The following ANXA10 variants were observed in gnomAD, a reference collection of about 807,000 sequenced individuals.
ANXA10 encodes the protein annexin 14.
Under a neutral mutation model 53.5 loss-of-function variants are expected in ANXA10, and 49 were observed. The observed-to-expected ratio is 0.92, with a 90% CI of 0.73 to 1.16. The LOEUF (loss-of-function observed/expected upper bound fraction) is 1.16. Ranked by LOEUF, ANXA10 falls within the 50% of genes most tolerant of loss-of-function variation. The pLI, the probability that ANXA10 is intolerant of heterozygous loss-of-function variation, is 0.00. For synonymous variants in ANXA10, 131 were observed against 128.9 expected, an observed-to-expected ratio of 1.02 and a Z score of -0.11; for missense variants, 393 against 394.4, an observed-to-expected ratio of 1.00 and a Z score of 0.03.
At chr4:168,151,005 C>G (rs73862559) in intron 3 of ANXA10, among the ~76,000 whole-genome samples, 2 of 152,216 alleles carry the variant, frequency 1.3e-5, no homozygotes, top group East Asian at 1.9e-4. Context: ...ATTCTAAATT[C>G]CATCCCATCA....
intron 1 of ANXA10, among the ~76,000 whole-genome samples, chr4:168,125,945 G>A (rs1731061346): frequency 2.0e-5 from 3 of 152,182 alleles, no homozygotes; most frequent in Admixed American, 2.0e-4. Flanking sequence ...AATTTAAATA[G>A]AAATGACAGT....
intron 3 of ANXA10, among the ~76,000 whole-genome samples, chr4:168,156,385 T>TATATA (rs1201757682): frequency 5.9e-4 from 11 of 18,578 alleles, no homozygotes; most frequent in East Asian, 4.1e-3. Context: ...ATATAATTAA[T>TATATA]ATATATTATA....
chr4:168,184,489 T>C, intron 10 of ANXA10, 70 bp from the exon 11 acceptor site: 1 of 1,555,680 alleles, frequency 6.4e-7, no homozygotes, highest in Non-Finnish European at 8.8e-7. Context: ...AAAAGGGGTG[T>C]GTCCACTTGG....
chr4:168,156,163 T>C (rs28835312), intron 3 of ANXA10, among the ~76,000 whole-genome samples: 2 of 7,546 alleles, frequency 2.7e-4, no homozygotes, highest in Non-Finnish European at 5.0e-4. Flanking sequence ...TATTATATAT[T>C]ATATATATTA....
intron 1 of ANXA10, among the ~76,000 whole-genome samples, chr4:168,119,127 T>C (rs1003932183): frequency 4.6e-5 from 7 of 152,206 alleles, no homozygotes. Context: ...TAAGTCTTGT[T>C]CTCTTCTTAG....
chr4:168,139,843 A>G (rs762030102), intron 3 of ANXA10, among the ~76,000 whole-genome samples: 2 of 152,164 alleles, frequency 1.3e-5, no homozygotes, highest in African/African-American at 2.4e-5. Flanking sequence ...AGTGTCCCCA[A>G]ATGAAAAGTT....
At chr4:168,113,148 C>A (rs1730837883) in intron 1 of ANXA10, 1 of 152,228 alleles carries the variant, frequency 6.6e-6, no homozygotes, top group Non-Finnish European at 1.5e-5. Flanking sequence ...GTTAAATATG[C>A]TGTCTTAGTT....
rs1265099085 is a variant in ANXA10, at chr4:168,139,486, A to T, written c.101A>T (p.Asp34Val). ...ATCTTCAAATATTATTCTTTTCCAGACTGTGACAAAGACATGCTGATCAAC... is the reference window on the plus strand; with the variant it reads ...ATCTTCAAATATTATTCTTTTCCAGTCTGTGACAAAGACATGCTGATCAAC... ...QMLGGALQGF[D>V]CDKDMLINIL... Residue 34 changes from aspartate (D) to valine (V), a missense_variant and splice_region_variant, in exon 3 of 12, where the codon GAC (aspartate) becomes GTC (valine). By Grantham distance (152) the Asp-to-Val change is radical. Transcript: ENST00000359299. 1.2e-5 allele frequency: 19 copies of T among 1,611,364 alleles called. No homozygotes were observed. Among genetic ancestry groups the T allele is most frequent in the Non-Finnish European group, 1.5e-5 (18 of 1,178,010 alleles).
At chr4:168,139,652 TA>T in intron 3 of ANXA10, 72 bp downstream of exon 3, 3 of 1,178,974 alleles carry the variant, frequency 2.5e-6, no homozygotes, top group South Asian at 2.8e-5. Context: ...GGATAATAGG[TA>T]TTTTTTTTTT....
chr4:168,132,582 T>C (rs1314413848), intron 2 of ANXA10, among the ~76,000 whole-genome samples: 1 of 152,086 alleles, frequency 6.6e-6, no homozygotes. Flanking sequence ...ACAGGGTGAC[T>C]ATAGTCAATA....
intron 6 of ANXA10, among the ~76,000 whole-genome samples, chr4:168,173,125 T>C (rs921832833): frequency 6.6e-6 from 1 of 152,036 alleles, no homozygotes; most frequent in Admixed American, 6.5e-5. Flanking sequence ...GTAGGCCTCA[T>C]TGAGAAGATG....
At chr4:168,122,776 G>A (rs1731008311) in intron 1 of ANXA10, among the ~76,000 whole-genome samples, 1 of 152,102 alleles carries the variant, frequency 6.6e-6, no homozygotes, top group African/African-American at 2.4e-5. Flanking sequence ...ACTATTGTGA[G>A]GACAGCATCA....
At chr4:168,122,359 G>A (rs1164674223) in intron 1 of ANXA10, among the ~76,000 whole-genome samples, 1 of 152,152 alleles carries the variant, frequency 6.6e-6, no homozygotes. Context: ...GGATTGTCTA[G>A]AAAGTAATTT....
At chr4:168,168,673 C>G (rs1731925888) in intron 6 of ANXA10, among the ~76,000 whole-genome samples, 1 of 152,190 alleles carries the variant, frequency 6.6e-6, no homozygotes, top group Admixed American at 6.5e-5. Flanking sequence ...CCCGCCTCGG[C>G]CTCCCAAAGT....
At position 168,170,861 on chromosome 4, in the gene ANXA10, G is replaced by GT. The variant is rs780378187; in HGVS notation, c.480+5536dup. On this transcript the variant is annotated intron_variant, in intron 6 of 11. Transcript: ENST00000359299. ...ATTTAACTCATAATAGAAAATGGAG[G>GT]TACCAAACTATTAAAAACTTAATAT... 4.6e-5 allele frequency among the ~76,000 whole-genome samples: 7 copies of GT among 151,986 alleles called. No individual in the cohort carries two copies. In the East Asian group the frequency reaches 1.2e-3, roughly 25 times the overall value.
intron 10 of ANXA10, 80 bp downstream of exon 10, chr4:168,181,821 T>G: frequency 9.4e-7 from 1 of 1,063,416 alleles, no homozygotes; most frequent in Non-Finnish European, 1.4e-6. Flanking sequence ...TTCCATCATT[T>G]AAATGTTCAT....
intron 1 of ANXA10, 76 bp from the exon 2 acceptor site, chr4:168,128,008 G>C: frequency 7.6e-7 from 1 of 1,322,440 alleles, no homozygotes; most frequent in Non-Finnish European, 1.1e-6. Flanking sequence ...ACAGGTATGA[G>C]CCACTGTGCC....
chr4:168,107,480 G>A (rs1446361724), intron 1 of ANXA10, among the ~76,000 whole-genome samples: 1 of 152,056 alleles, frequency 6.6e-6, no homozygotes, highest in East Asian at 1.9e-4. Flanking sequence ...GATAATTACT[G>A]GTGGCAAAAA....
intron 3 of ANXA10, among the ~76,000 whole-genome samples, chr4:168,153,559 G>C (rs749511832): frequency 1.5e-4 from 23 of 151,688 alleles, no homozygotes; most frequent in African/African-American, 3.4e-4. Flanking sequence ...GAGGTGAAGA[G>C]AGACAGACAA....
Sources: gnomAD v4.1 joint callset for allele counts (sites outside exome capture counted in the v4.1 genomes callset) on GRCh38, gnomAD v4.1.1 for gene constraint, MANE v1.5 for transcripts, NCBI Gene and HGNC (gene_info 2026-07-23, HGNC 2026-07-21) for gene names.